Variants in SLC8A1 observed in about 807,000 individuals in gnomAD.
The protein encoded by SLC8A1 is solute carrier family 8 member A1, also known as sodium/calcium exchanger 1.
A neutral mutation model predicts 68.3 loss-of-function variants in SLC8A1; 18 were observed. The observed-to-expected ratio is 0.26, with a 90% CI of 0.18 to 0.39. The LOEUF is 0.39. Ranked by LOEUF, SLC8A1 falls within the 10% of genes least tolerant of loss-of-function variation. SLC8A1 has a pLI of 1.00. For synonymous variants in SLC8A1, 475 were observed against 415.5 expected (o/e 1.14, Z -1.74); for missense variants, 985 against 1,156.7 (o/e 0.85, Z 2.15).
chr2:40,376,671 C>T (rs1199848590), intron 2 of SLC8A1, among the ~76,000 whole-genome samples: 1 of 152,090 alleles, frequency 6.6e-6, no homozygotes, highest in Non-Finnish European at 1.5e-5. Flanking sequence ...ACCATGGAGT[C>T]ACTTAGCCAG....
At chr2:40,213,895 C>T (rs939275443) in intron 2 of SLC8A1, among the ~76,000 whole-genome samples, 10 of 152,150 alleles carry the variant, frequency 6.6e-5, no homozygotes, top group African/African-American at 2.4e-4. Flanking sequence ...CCAGAGACTT[C>T]AGGGCAATAA....
At chr2:40,120,256 G>A (rs2036479418) in intron 7 of SLC8A1, among the ~76,000 whole-genome samples, 2 of 152,278 alleles carry the variant, frequency 1.3e-5, no homozygotes, top group South Asian at 2.1e-4. Flanking sequence ...TCATGCCCAG[G>A]AACTGACACT....
chr2:40,377,946 A>C (rs1032202109), intron 2 of SLC8A1, among the ~76,000 whole-genome samples: 1 of 152,102 alleles, frequency 6.6e-6, no homozygotes, highest in Non-Finnish European at 1.5e-5. Flanking sequence ...ATTGTCTTAT[A>C]ATTTCTACCA....
intron 1 of SLC8A1, among the ~76,000 whole-genome samples, chr2:40,498,438 T>G (rs1347136924): frequency 6.6e-5 from 10 of 152,060 alleles, no homozygotes; most frequent in Non-Finnish European, 4.4e-5. Context: ...ACCACAAGAT[T>G]GCAAGTATAA....
At chr2:40,471,471 A>G (rs1192908896) in intron 1 of SLC8A1, among the ~76,000 whole-genome samples, 1 of 152,194 alleles carries the variant, frequency 6.6e-6, no homozygotes, top group East Asian at 1.9e-4. Context: ...TCATGGCATT[A>G]GCACACTTTC....
intron 2 of SLC8A1, among the ~76,000 whole-genome samples, chr2:40,399,280 G>A (rs538549078): frequency 7.2e-5 from 11 of 152,170 alleles, no homozygotes; most frequent in African/African-American, 1.9e-4. Context: ...GAGATTCACT[G>A]ACACTGTTTT....
intron 1 of SLC8A1, among the ~76,000 whole-genome samples, chr2:40,491,078 T>G (rs1183434466): frequency 1.3e-5 from 2 of 152,152 alleles, no homozygotes; most frequent in African/African-American, 2.4e-5. Context: ...AAACATTACT[T>G]GTTTCTCTCC....
chr2:40,283,552 T>C (rs917071886), intron 2 of SLC8A1, among the ~76,000 whole-genome samples: 5 of 152,164 alleles, frequency 3.3e-5, no homozygotes, highest in African/African-American at 1.2e-4. Context: ...AGCACTGTTT[T>C]TGTGACAACC....
intron 2 of SLC8A1, among the ~76,000 whole-genome samples, chr2:40,191,648 C>A (rs762679505): frequency 3.9e-5 from 6 of 152,134 alleles, no homozygotes; most frequent in Admixed American, 6.5e-5. Context: ...AACCACTGGA[C>A]CAAACAGTGA....
chr2:40,320,590 G>T (rs1196211439), intron 2 of SLC8A1, among the ~76,000 whole-genome samples: 2 of 152,104 alleles, frequency 1.3e-5, no homozygotes, highest in Non-Finnish European at 2.9e-5. Flanking sequence ...GCTATATTAG[G>T]TATCTTAAAA....
chr2:40,211,099 T>C (rs186481500), intron 2 of SLC8A1, among the ~76,000 whole-genome samples: 1 of 152,320 alleles, frequency 6.6e-6, no homozygotes, highest in East Asian at 1.9e-4. Context: ...ATAAAATGAA[T>C]GGCTGCCATT....
intron 1 of SLC8A1, among the ~76,000 whole-genome samples, chr2:40,494,667 A>ATATATG (rs1451010901): frequency 2.2e-5 from 3 of 134,556 alleles, no homozygotes; most frequent in African/African-American, 8.8e-5. Flanking sequence ...ATATATATAT[A>ATATATG]TATATATATA....
intron 7 of SLC8A1, among the ~76,000 whole-genome samples, chr2:40,122,201 C>CTT (rs1553339167): frequency 1.4e-5 from 2 of 146,016 alleles, no homozygotes; most frequent in African/African-American, 2.6e-5. Context: ...AGTGCATGCG[C>CTT]GCGCGCACAC....
intron 7 of SLC8A1, among the ~76,000 whole-genome samples, chr2:40,116,227 A>C (rs976260): frequency 2.0e-5 from 3 of 152,336 alleles, no homozygotes; most frequent in Admixed American, 6.5e-5. Flanking sequence ...ACTATAATAG[A>C]GTAGCTGACA....
chr2:40,269,102 G>A (rs2065712309), intron 2 of SLC8A1, among the ~76,000 whole-genome samples: 1 of 152,188 alleles, frequency 6.6e-6, no homozygotes, highest in South Asian at 2.1e-4. Context: ...GTGTTAAAAA[G>A]TAGTGAGTGT....
intron 7 of SLC8A1, among the ~76,000 whole-genome samples, chr2:40,121,979 T>C (rs1224560767): frequency 6.6e-6 from 1 of 152,182 alleles, no homozygotes; most frequent in Non-Finnish European, 1.5e-5. Flanking sequence ...GTAAGGTAGA[T>C]ATCTTTACTT....
In SLC8A1 at chr2:40,362,469, A is replaced by G. The variant is rs1247112698; in HGVS notation, c.1808+66004T>C. 2.6e-5 allele frequency among the ~76,000 whole-genome samples: 4 copies of G among 152,300 alleles called. 1 individual carries two copies. Among genetic ancestry groups the G allele is most frequent in the African/African-American group, 7.2e-5 (3 of 41,584 alleles). On this transcript the variant is annotated intron_variant, in intron 2 of 7. Transcript: ENST00000406785. ...AAATAAAGAAAGGAAGAAAGAATGCATCATTGTGCTACTATTTTTTAATAT... is the reference window on the plus strand; with the variant it reads ...AAATAAAGAAAGGAAGAAAGAATGCGTCATTGTGCTACTATTTTTTAATAT...
At chr2:40,253,152 TACATATATATGTATATACAC>T (rs1028063972) in intron 2 of SLC8A1, among the ~76,000 whole-genome samples, 3 of 123,078 alleles carry the variant, frequency 2.4e-5, no homozygotes, top group South Asian at 2.2e-4. Context: ...TGTATATACA[TACATATATATGTATATACAC>T]ACAAATATAC....
At chr2:40,306,940 A>T (rs928879110) in intron 2 of SLC8A1, among the ~76,000 whole-genome samples, 1 of 152,164 alleles carries the variant, frequency 6.6e-6, no homozygotes, top group Non-Finnish European at 1.5e-5. Flanking sequence ...TGCATTTACT[A>T]TAGTAAAGGC....
Sources: allele counts gnomAD v4.1 joint callset (sites outside exome capture counted in the v4.1 genomes callset), GRCh38; gene constraint gnomAD v4.1.1; transcripts MANE v1.5; gene names NCBI Gene and HGNC (gene_info 2026-07-23, HGNC 2026-07-21).